Variants in FMR1 observed in about 807,000 individuals in gnomAD.
FMR1 encodes the protein FMRP translational regulator 1.
FMR1 carries 13 observed loss-of-function variants against 50.6 expected under a neutral mutation model. The observed-to-expected ratio is 0.26, with a 90% CI of 0.17 to 0.41. The LOEUF (loss-of-function observed/expected upper bound fraction) is 0.41. Ranked by LOEUF, FMR1 falls within the 10% of genes least tolerant of loss-of-function variation. The pLI is 1.00. For synonymous variants in FMR1, 138 were observed against 164.1 expected, an observed-to-expected ratio of 0.84 and a Z score of 1.22; for missense variants, 316 against 491.3, an observed-to-expected ratio of 0.64 and a Z score of 3.37.
intron 1 of FMR1, chrX:147,913,576 T>C (rs940846793): frequency 2.0e-4 from 23 of 112,344 alleles, no homozygotes; most frequent in African/African-American, 6.5e-5. Flanking sequence ...ATTCTGTGTT[T>C]ACCAATTTTA....
intron 12 of FMR1, among the ~76,000 whole-genome samples, chrX:147,939,864 C>T (rs1415291971): frequency 3.0e-5 from 3 of 99,606 alleles, no homozygotes; most frequent in Non-Finnish European, 4.0e-5. Flanking sequence ...CATGCCACTG[C>T]ACTCCAGCCT....
rs797045582 is a variant in FMR1, at chrX:147,928,762, C to T, written c.374C>T (p.Thr125Ile). 4.1e-6 allele frequency: 5 copies of T among 1,210,853 alleles called. No individual in the cohort carries two copies. The highest frequency in any genetic ancestry group is 5.6e-6 in the Non-Finnish European group (5 of 894,659). The change falls in exon 5 of 17, where the codon ACT becomes ATT. Residue 125 changes from threonine (T) to isoleucine (I), a missense_variant. This residue lies in a region of FMR1 where 124 missense variants were observed against 238.1 expected (regional missense o/e 0.52). Coordinates refer to ENST00000370475, the MANE Select transcript of FMR1 (RefSeq NM_002024.6). The part of the protein sequence containing the change: ...VNPNKPATKD[T>I]FHKIKLDVPE... ...CCCAACAAACCTGCCACAAAAGATA[C>T]TTTCCATAAGATCAAGCTGGATGTG...
At position 147,928,765 on chromosome X, in the gene FMR1, T is replaced by A; in HGVS notation, c.377T>A (p.Phe126Tyr). The A allele has an allele frequency of 8.3e-7, 1 of 1,210,953 alleles. No homozygotes were observed. The highest frequency in any genetic ancestry group is 1.1e-6 in the Non-Finnish European group (1 of 894,773). ...AACAAACCTGCCACAAAAGATACTT[T>A]CCATAAGATCAAGCTGGATGTGCCA... ...NPNKPATKDT[F>Y]HKIKLDVPED... The change falls in exon 5 of 17, where the codon TTC becomes TAC. Residue 126 changes from phenylalanine to tyrosine, a missense_variant. Physicochemically the swap from Phe to Tyr is conservative, Grantham distance 22 (BLOSUM62 3). This residue lies in a region of FMR1 where 124 missense variants were observed against 238.1 expected (regional missense o/e 0.52). Coordinates refer to ENST00000370475, the MANE Select transcript of FMR1 (RefSeq NM_002024.6).
intron 16 of FMR1, chrX:147,947,700 A>G (rs1349297196): frequency 9.4e-6 from 1 of 106,872 alleles, no homozygotes; most frequent in African/African-American, 3.5e-5. Context: ...ACAGAGCGAG[A>G]CTGTCTGGGA....
intron 3 of FMR1, 167 bp from the exon 4 acceptor site, chrX:147,928,155 C>G (rs2043455368): frequency 2.3e-6 from 1 of 438,151 alleles, no homozygotes; most frequent in Non-Finnish European, 4.0e-6. Context: ...GTATCTCTGC[C>G]TACCTCGGGG....
At chrX:147,935,677 A>G (rs1322945965) in intron 9 of FMR1, among the ~76,000 whole-genome samples, 1 of 112,310 alleles carries the variant, frequency 8.9e-6, no homozygotes, top group Admixed American at 9.4e-5. Flanking sequence ...AGTAATGTAT[A>G]TGATTGTAAA....
intron 1 of FMR1, among the ~76,000 whole-genome samples, chrX:147,919,912 C>A (rs1401152665): frequency 8.9e-6 from 1 of 112,180 alleles, no homozygotes; most frequent in East Asian, 2.8e-4. Flanking sequence ...ATATCATAGG[C>A]CTTTGAAGAC....
chrX:147,946,798 A>G, intron 16 of FMR1: 1 of 112,371 alleles, frequency 8.9e-6, no homozygotes, highest in African/African-American at 3.2e-5. Context: ...AAGATTAGTG[A>G]GAGATACTTT....
chrX:147,947,412 C>CA (rs369505010), intron 16 of FMR1: 5,714 of 35,935 alleles, frequency 0.16, 247 homozygotes, highest in Middle Eastern at 0.31. Context: ...AACACCATCT[C>CA]AAAAAAAAAA....
At position 147,925,723 on chromosome X, in the gene FMR1, G is replaced by C; in HGVS notation, c.198+90G>C. On this transcript the variant is annotated intron_variant, in intron 3 of 16. Transcript: ENST00000370475. ...TTTTTAATACTTTGTCTTTAACACT[G>C]TTTAAATTACTTTGAGAATTACAGC... 6 of 600,390 alleles carry C rather than the reference G, an allele frequency of 1.0e-5. No individual in the cohort carries two copies. In the South Asian group the frequency reaches 1.4e-4, roughly 14 times the overall value. The allele number at this position is 600,390 out of a possible 1,213,427, so 49.5% of individuals were successfully genotyped here. A position where few individuals can be genotyped will look rare whatever the true frequency, so the allele number is the denominator to read the frequency against.
chrX:147,928,255 T>A, intron 3 of FMR1, 67 bp from the exon 4 acceptor site: 1 of 1,008,682 alleles, frequency 9.9e-7, no homozygotes. Flanking sequence ...TTCCTCGATA[T>A]CTGAAAATCT....
At chrX:147,922,544 A>C (rs1245142396) in intron 2 of FMR1, among the ~76,000 whole-genome samples, 1 of 111,918 alleles carries the variant, frequency 8.9e-6, no homozygotes, top group South Asian at 3.7e-4. Flanking sequence ...ACTGTATGAA[A>C]GCATCAATAG....
chrX:147,926,894 G>C (rs1463511872), intron 3 of FMR1, among the ~76,000 whole-genome samples: 1 of 110,930 alleles, frequency 9.0e-6, no homozygotes, highest in African/African-American at 3.3e-5. Flanking sequence ...TAGCTAATAT[G>C]ACAGATGTGA....
chrX:147,915,765 T>C (rs938000681), intron 1 of FMR1, among the ~76,000 whole-genome samples: 5 of 111,601 alleles, frequency 4.5e-5, no homozygotes, highest in African/African-American at 1.6e-4. Context: ...CTCTGATACT[T>C]TATTTGATGT....
chrX:147,940,709 A>G (rs1557180661), intron 13 of FMR1, 47 bp downstream of exon 13: 1 of 855,715 alleles, frequency 1.2e-6, no homozygotes, highest in Admixed American at 2.2e-5. Context: ...GTACTAAAAT[A>G]TACAAACTTT....
intron 5 of FMR1, among the ~76,000 whole-genome samples, chrX:147,929,260 G>A (rs1390306224): frequency 6.3e-5 from 7 of 111,926 alleles, no homozygotes; most frequent in Admixed American, 5.7e-4. Context: ...CCTTGATCTG[G>A]AATAATGCTT....
rs1557182928 is a variant in FMR1, at chrX:147,949,405, T to C, written c.*561T>C. ...TATGATCTGTGCCTTTTTTATATCT[T>C]GGCAGGTAGGAATATTATATTTGGA... On this transcript the variant is annotated 3_prime_UTR_variant, in exon 17 of 17. Coordinates refer to ENST00000370475, the MANE Select transcript of FMR1 (RefSeq NM_002024.6). The C allele has an allele frequency of 9.2e-6, 3 of 327,681 alleles. No homozygotes were observed. The East Asian group carries it at 2.9e-4, about 32-fold the overall frequency. The allele number at this position is 327,681 out of a possible 1,213,427, so 27.0% of individuals were successfully genotyped here. A position where few individuals can be genotyped will look rare whatever the true frequency, so the allele number is the denominator to read the frequency against.
chrX:147,947,053 A>G (rs1390762352), intron 16 of FMR1: 2 of 112,315 alleles, frequency 1.8e-5, no homozygotes, highest in Non-Finnish European at 3.8e-5. Context: ...ATGCACATTT[A>G]TATTTCTAAA....
At position 147,912,309 on chromosome X, in the gene FMR1, C is replaced by T. The variant is rs1409497420; in HGVS notation, c.51+79C>T. Reference sequence around the variant, plus strand: ...TCTTGGTGTCGGCGGGAGGCAGGCCCGGGGCCCTCTTCCCGAGCACCGCGC... The same window carrying T: ...TCTTGGTGTCGGCGGGAGGCAGGCCTGGGGCCCTCTTCCCGAGCACCGCGC... On this transcript the variant is annotated intron_variant, in intron 1 of 16. Coordinates refer to ENST00000370475, the MANE Select transcript of FMR1 (RefSeq NM_002024.6). 1.4e-5 allele frequency: 14 copies of T among 973,519 alleles called. No homozygotes were observed. The South Asian group carries it at 2.2e-4, about 15-fold the overall frequency. 80.2% of individuals were successfully genotyped at this position (973,519 alleles called of 1,213,427 possible). A position where few individuals can be genotyped will look rare whatever the true frequency, so the allele number is the denominator to read the frequency against.
Sources: allele counts gnomAD v4.1 joint callset (sites outside exome capture counted in the v4.1 genomes callset), GRCh38; gene constraint gnomAD v4.1.1; regional missense constraint gnomAD v4.1.1; transcripts MANE v1.5; gene names NCBI Gene and HGNC (gene_info 2026-07-23, HGNC 2026-07-21).